The following TPCN1 variants were observed in gnomAD, a reference collection of about 807,000 sequenced individuals.
TPCN1 encodes the protein two pore channel protein 1.
In TPCN1, 52 loss-of-function variants were observed where a neutral mutation model predicts 108.8. The ratio of observed to expected loss-of-function variants is 0.48; its 90% CI spans 0.38 to 0.60. The LOEUF (loss-of-function observed/expected upper bound fraction) is 0.60, where lower values mean the gene tolerates loss of function less well. TPCN1 is among the 20% of genes least tolerant of loss of function. TPCN1 has a pLI of 0.00. For missense variants in TPCN1, 806 were observed against 1,072.8 expected, an observed-to-expected ratio of 0.75 and a Z score of 3.47; for synonymous variants, 446 against 433.7, an observed-to-expected ratio of 1.03 and a Z score of -0.35.
chr12:113,276,370 A>G (rs571342209), intron 10 of TPCN1, among the ~76,000 whole-genome samples: 1 of 152,286 alleles, frequency 6.6e-6, no homozygotes, highest in Non-Finnish European at 1.5e-5. Flanking sequence ...CAACTCTAGA[A>G]CGTTATTTCC....
intron 2 of TPCN1, chr12:113,244,874 T>A (rs746105719): frequency 5.1e-5 from 28 of 552,574 alleles, no homozygotes; most frequent in Non-Finnish European, 6.0e-5. Flanking sequence ...ACAGCTGGAG[T>A]GAACTTGGGT....
At chr12:113,222,641 T>G (rs1953289953) in intron 1 of TPCN1, among the ~76,000 whole-genome samples, 1 of 152,236 alleles carries the variant, frequency 6.6e-6, no homozygotes, top group Admixed American at 6.5e-5. Context: ...ACAACCGTGT[T>G]GAAGCATTTG....
In TPCN1 at chr12:113,286,860, C is replaced by CTGTTGGTGTTGCTGT. The variant is rs1351258891; in HGVS notation, c.1527-125_1527-124insTTGGTGTTGCTGTTG. The CTGTTGGTGTTGCTGT allele has an allele frequency of 5.8e-6, 4 of 686,256 alleles. No individual in the cohort carries two copies. In the African/African-American group the frequency reaches 7.1e-5, roughly 12 times the overall value. 42.5% of individuals were successfully genotyped at this position (686,256 alleles called of 1,614,324 possible). A position where few individuals can be genotyped will look rare whatever the true frequency, so the allele number is the denominator to read the frequency against. Reference sequence around the variant, plus strand: ...GGCAGGAAGTTCTTCCCGCAGCCGGCTGGTTCCTGTTGGTGTTGCTGTGTC... The same window carrying CTGTTGGTGTTGCTGT: ...GGCAGGAAGTTCTTCCCGCAGCCGGCTGTTGGTGTTGCTGTTGGTTCCTGTTGGTGTTGCTGTGTC... On this transcript the variant is annotated intron_variant, in intron 18 of 27. Transcript: ENST00000335509.
Position 113,269,710 on chromosome 12 carries a change from G to A in TPCN1, c.660-47G>A. ...TCTCAACAAGGAGGAGTCCCAGGCA[G>A]CCCGCCCCAGCTGGTGCCTCCCCTG... On this transcript the variant is annotated intron_variant, in intron 6 of 27. Coordinates refer to ENST00000335509, the MANE Select transcript of TPCN1 (RefSeq NM_017901.6). This position sits in a 1 kb window ranked among gnomAD's most constrained non-coding sequence, Gnocchi z 5.0. 6.4e-7 allele frequency: 1 copy of A among 1,564,704 alleles called. No homozygotes were observed. Among genetic ancestry groups the A allele is most frequent in the Non-Finnish European group, 8.8e-7 (1 of 1,140,664 alleles).
At chr12:113,228,191 A>G (rs912872459) in intron 2 of TPCN1, among the ~76,000 whole-genome samples, 11 of 152,200 alleles carry the variant, frequency 7.2e-5, no homozygotes, top group African/African-American at 2.4e-4. Flanking sequence ...CAGCCAGGAA[A>G]TGGTTGAGCA....
At chr12:113,263,799 A>G (rs1955138171) in intron 3 of TPCN1, among the ~76,000 whole-genome samples, 1 of 152,232 alleles carries the variant, frequency 6.6e-6, no homozygotes, top group African/African-American at 2.4e-5. Flanking sequence ...GGGAGCGGAG[A>G]GCAAAGGCCT....
At chr12:113,292,815 G>T in intron 25 of TPCN1, 119 bp from the exon 26 acceptor site, 1 of 1,163,326 alleles carries the variant, frequency 8.6e-7, no homozygotes, top group Non-Finnish European at 1.2e-6. Flanking sequence ...CCAATGCAGT[G>T]TCGGTTTAGA....
intron 24 of TPCN1, 85 bp downstream of exon 24, chr12:113,291,762 A>G: frequency 6.4e-7 from 1 of 1,574,070 alleles, no homozygotes; most frequent in Non-Finnish European, 8.7e-7. Flanking sequence ...AGCGTCAGGG[A>G]GTGGGGCTGG....
intron 27 of TPCN1, 49 bp from the exon 28 acceptor site, chr12:113,295,911 G>A: frequency 1.3e-5 from 19 of 1,485,964 alleles, no homozygotes; most frequent in Non-Finnish European, 1.6e-5. Flanking sequence ...GGTGGGCGGG[G>A]CAGGGGGTGG....
chr12:113,291,661 T>C lies in TPCN1; in HGVS notation c.2012T>C (p.Phe671Ser). The C allele has an allele frequency of 6.2e-7, 1 of 1,613,920 alleles. No individual in the cohort carries two copies. Among genetic ancestry groups the C allele is most frequent in the Non-Finnish European group, 8.5e-7 (1 of 1,179,932 alleles). ...SHWSRLYFMT[F>S]YIVTMVVMTI... ...TGGAGCCGCCTCTACTTCATGACCTTTTACATTGTGACCATGGTAGGTCCC... is the reference window on the plus strand; with the variant it reads ...TGGAGCCGCCTCTACTTCATGACCTCTTACATTGTGACCATGGTAGGTCCC... Residue 671 changes from phenylalanine (F) to serine (S), a missense_variant, in exon 24 of 28, where the codon TTT becomes TCT. By Grantham distance (155) the Phe-to-Ser change is radical. Coordinates refer to ENST00000335509, the MANE Select transcript of TPCN1 (RefSeq NM_017901.6).
At chr12:113,242,132 G>A (rs907024077) in intron 2 of TPCN1, among the ~76,000 whole-genome samples, 2 of 152,334 alleles carry the variant, frequency 1.3e-5, no homozygotes, top group Admixed American at 6.5e-5. Context: ...TGACCGTGGC[G>A]GCCCCTGGCA....
At chr12:113,256,767 C>T (rs1954843534) in intron 2 of TPCN1, among the ~76,000 whole-genome samples, 1 of 152,114 alleles carries the variant, frequency 6.6e-6, no homozygotes. Context: ...CTCTTGGGCT[C>T]AAGTGATCCT....
In TPCN1 at chr12:113,269,271, T is replaced by C. The variant is rs545253469; in HGVS notation, c.659+399T>C. ...TCGACTGAGATTTATTTTGGGAGAC[T>C]CAATCTGGAAAATTCCTTGGCTGGG... On this transcript the variant is annotated intron_variant, in intron 6 of 27. Transcript: ENST00000335509. This position sits in a 1 kb window ranked among gnomAD's most constrained non-coding sequence, Gnocchi z 5.0. Among the ~76,000 whole-genome samples the C allele has an allele frequency of 3.3e-5, 5 of 152,302 alleles. No individual in the cohort carries two copies. The highest frequency in any genetic ancestry group is 1.2e-4 in the African/African-American group (5 of 41,558).
At chr12:113,294,944 G>T (rs564761644) in intron 27 of TPCN1, among the ~76,000 whole-genome samples, 1 of 152,336 alleles carries the variant, frequency 6.6e-6, no homozygotes, top group Admixed American at 6.5e-5. Flanking sequence ...TGAAAAGCGG[G>T]GGGTGCTGTC....
At chr12:113,238,111 A>G (rs1456252739) in intron 2 of TPCN1, among the ~76,000 whole-genome samples, 1 of 152,196 alleles carries the variant, frequency 6.6e-6, no homozygotes, top group African/African-American at 2.4e-5. Context: ...CCTTCACGAT[A>G]AAGCCCTGAT....
chr12:113,273,876 T>G lies in TPCN1; in HGVS notation c.942+208T>G, dbSNP rs958155480. On this transcript the variant is annotated intron_variant, in intron 10 of 27. Coordinates refer to ENST00000335509, the MANE Select transcript of TPCN1 (RefSeq NM_017901.6). The surrounding 1 kb of genome is among the most constrained non-coding windows in gnomAD (Gnocchi z 4.0). The stretch of plus-strand genomic sequence containing the variant: ...GTTCAGCCAGTTGCTGGGGGTGGCG[T>G]CCTCACCAAGGCAATGCTGCTGATG... Among the ~76,000 whole-genome samples, 1 of 152,090 alleles carries G rather than the reference T, an allele frequency of 6.6e-6. No homozygotes were observed. Among genetic ancestry groups the G allele is most frequent in the African/African-American group, 2.4e-5 (1 of 41,404 alleles).
At chr12:113,252,361 T>C (rs563906750) in intron 2 of TPCN1, among the ~76,000 whole-genome samples, 1 of 152,070 alleles carries the variant, frequency 6.6e-6, no homozygotes, top group Non-Finnish European at 1.5e-5. Flanking sequence ...TAGGGGAGCT[T>C]TTGAGGAGGA....
At chr12:113,258,786 A>T (rs1180461536) in intron 2 of TPCN1, among the ~76,000 whole-genome samples, 5 of 152,108 alleles carry the variant, frequency 3.3e-5, no homozygotes, top group African/African-American at 1.2e-4. Flanking sequence ...GTGTCTTAAA[A>T]AAAGCAGGGA....
At chr12:113,227,980 C>A (rs1192237765) in intron 2 of TPCN1, among the ~76,000 whole-genome samples, 4 of 152,156 alleles carry the variant, frequency 2.6e-5, no homozygotes, top group African/African-American at 9.7e-5. Context: ...TCTAGGGTGG[C>A]AGAGCTGGAT....
Sources: allele counts gnomAD v4.1 joint callset (sites outside exome capture counted in the v4.1 genomes callset), GRCh38; gene constraint gnomAD v4.1.1; non-coding constraint Gnocchi (gnomAD v3.1); transcripts MANE v1.5; gene names NCBI Gene and HGNC (gene_info 2026-07-23, HGNC 2026-07-21).